Variants in MCM6 observed in about 807,000 individuals in gnomAD.
The protein encoded by MCM6 is minichromosome maintenance complex component 6.
Under a neutral mutation model 94.3 loss-of-function variants are expected in MCM6, and 46 were observed. That is an observed-to-expected ratio of 0.49 (90% CI 0.39 to 0.62). MCM6 has a LOEUF of 0.62. Ranked by LOEUF, MCM6 falls within the 20% of genes least tolerant of loss-of-function variation. The pLI is 0.00. For synonymous variants in MCM6, 335 were observed against 351.9 expected, an observed-to-expected ratio of 0.95 and a Z score of 0.54; for missense variants, 865 against 1,017.9, an observed-to-expected ratio of 0.85 and a Z score of 2.04.
intron 5 of MCM6, 143 bp from the exon 6 acceptor site, chr2:135,866,420 C>A: frequency 7.2e-7 from 1 of 1,394,972 alleles, no homozygotes; most frequent in Non-Finnish European, 9.8e-7. Context: ...TGTGGCAAAA[C>A]CAATTTGTTT....
chr2:135,863,868 T>C (rs917799728), intron 7 of MCM6, among the ~76,000 whole-genome samples: 1 of 152,188 alleles, frequency 6.6e-6, no homozygotes, highest in African/African-American at 2.4e-5. Context: ...CTCAGCACTT[T>C]GGGAGGCCAA....
At chr2:135,849,075 G>A (rs923171240) in intron 13 of MCM6, among the ~76,000 whole-genome samples, 1 of 152,178 alleles carries the variant, frequency 6.6e-6, no homozygotes, top group Non-Finnish European at 1.5e-5. Flanking sequence ...GAAAGATAAC[G>A]GTATTTGTGG....
At chr2:135,867,982 G>A (rs563266219) in intron 4 of MCM6, among the ~76,000 whole-genome samples, 6 of 152,094 alleles carry the variant, frequency 3.9e-5, no homozygotes, top group Admixed American at 2.0e-4. Flanking sequence ...AGCCGAGATC[G>A]CGCCACTGCA....
At chr2:135,870,484 C>G (rs1680180096) in intron 2 of MCM6, 123 bp from the exon 3 acceptor site, 3 of 653,608 alleles carry the variant, frequency 4.6e-6, no homozygotes, top group Non-Finnish European at 8.2e-6. Context: ...TAGAACTTAA[C>G]TGTGTAGGAC....
At chr2:135,866,057 T>C in intron 6 of MCM6, 75 bp downstream of exon 6, 1 of 1,527,718 alleles carries the variant, frequency 6.5e-7, no homozygotes, top group Non-Finnish European at 8.9e-7. Flanking sequence ...AGCCATGACT[T>C]TGCCATTGCA....
At chr2:135,848,029 C>A in intron 14 of MCM6, 24 bp downstream of exon 14, 1 of 1,583,226 alleles carries the variant, frequency 6.3e-7, no homozygotes, top group South Asian at 1.1e-5. Flanking sequence ...AACTCCAAAA[C>A]AGTCACATGA....
At chr2:135,847,027 C>G (rs944300110) in intron 14 of MCM6, among the ~76,000 whole-genome samples, 1 of 150,730 alleles carries the variant, frequency 6.6e-6, no homozygotes, top group African/African-American at 2.4e-5. Context: ...AAACAAAAAA[C>G]AAACAAAAAA....
intron 4 of MCM6, 109 bp downstream of exon 4, chr2:135,868,502 A>T: frequency 9.0e-7 from 1 of 1,113,318 alleles, no homozygotes. Context: ...ATGATGCTTA[A>T]CTTACATAAA....
chr2:135,841,204 C>T (rs1301071457), intron 16 of MCM6, among the ~76,000 whole-genome samples: 2 of 152,154 alleles, frequency 1.3e-5, no homozygotes, highest in African/African-American at 4.8e-5. Flanking sequence ...AAATATATTA[C>T]ATCAAATGCT....
chr2:135,840,829 A>G lies in MCM6; in HGVS notation c.*6T>C. The G allele has an allele frequency of 6.3e-7, 1 of 1,595,420 alleles. No individual in the cohort carries two copies. The highest frequency in any genetic ancestry group is 8.6e-7 in the Non-Finnish European group (1 of 1,163,038). On this transcript the variant is annotated 3_prime_UTR_variant, in exon 17 of 17. Coordinates refer to ENST00000264156, the MANE Select transcript of MCM6 (RefSeq NM_005915.6). Reference sequence around the variant, plus strand: ...TCCTCAGCTCTGGTCAGTTACTTTCACTATCTCAATCTTCGAGCAAGTAGT... The same window carrying G: ...TCCTCAGCTCTGGTCAGTTACTTTCGCTATCTCAATCTTCGAGCAAGTAGT...
At position 135,852,932 on chromosome 2, in the gene MCM6, A is replaced by T; in HGVS notation, c.1627-17T>A. The T allele has an allele frequency of 6.3e-7, 1 of 1,580,236 alleles. No homozygotes were observed. Among genetic ancestry groups the T allele is most frequent in the Non-Finnish European group, 8.6e-7 (1 of 1,167,120 alleles). ...ATCTGTAACCTAATTCAAAACAAAA[A>T]AATCACTTTGATAGTCACAGCAATA... is the stretch of plus-strand genomic sequence containing the variant. On this transcript the variant is annotated splice_polypyrimidine_tract_variant and intron_variant, in intron 11 of 16. Coordinates refer to ENST00000264156, the MANE Select transcript of MCM6 (RefSeq NM_005915.6).
chr2:135,868,018 C>A (rs976461897), intron 4 of MCM6, among the ~76,000 whole-genome samples: 2 of 151,918 alleles, frequency 1.3e-5, no homozygotes, highest in Admixed American at 6.6e-5. Context: ...CAGAGAGAGA[C>A]TGTCTCAAAA....
chr2:135,870,163 A>T, intron 3 of MCM6, 88 bp downstream of exon 3: 1 of 921,008 alleles, frequency 1.1e-6, no homozygotes, highest in South Asian at 1.4e-5. Context: ...TAGCAGATCA[A>T]GGCAACCTCT....
intron 13 of MCM6, among the ~76,000 whole-genome samples, chr2:135,848,672 T>G (rs943061665): frequency 6.6e-6 from 1 of 152,070 alleles, no homozygotes; most frequent in East Asian, 1.9e-4. Context: ...TCACCTGAGA[T>G]TGGGAGTTTG....
chr2:135,849,507 T>C (rs1302474506), intron 13 of MCM6, among the ~76,000 whole-genome samples: 2 of 152,326 alleles, frequency 1.3e-5, no homozygotes, highest in South Asian at 2.1e-4. Context: ...AAATAGAATG[T>C]TATACTGATA....
intron 10 of MCM6, 108 bp from the exon 11 acceptor site, chr2:135,856,991 A>C: frequency 4.3e-6 from 4 of 932,008 alleles, no homozygotes; most frequent in Non-Finnish European, 6.3e-6. Flanking sequence ...AACCAAAATA[A>C]TGACATACCC....
chr2:135,858,562 T>C (rs1378544809), intron 9 of MCM6, among the ~76,000 whole-genome samples: 1 of 152,158 alleles, frequency 6.6e-6, no homozygotes, highest in Non-Finnish European at 1.5e-5. Flanking sequence ...GACTCTTCTA[T>C]TCTCCAAACA....
chr2:135,849,815 T>C (rs1679739953), intron 13 of MCM6, among the ~76,000 whole-genome samples: 1 of 152,094 alleles, frequency 6.6e-6, no homozygotes, highest in African/African-American at 2.4e-5. Context: ...AGGTAAATAA[T>C]GGGAGAATTT....
In MCM6 at chr2:135,859,659, G is replaced by A. The variant is rs528940800; in HGVS notation, c.1221-217C>T. On this transcript the variant is annotated intron_variant, in intron 8 of 16. Transcript: ENST00000264156. The stretch of plus-strand genomic sequence containing the variant: ...CGCTCTGTCACCAGACTGGAGTGCA[G>A]TGTCACAATCTCAGCTCACTGCAAC... Among the ~76,000 whole-genome samples, 4 of 151,846 alleles carry A rather than the reference G, an allele frequency of 2.6e-5. No individual in the cohort carries two copies. The South Asian group carries it at 8.3e-4, about 32-fold the overall frequency.
Sources: allele counts gnomAD v4.1 joint callset (sites outside exome capture counted in the v4.1 genomes callset), GRCh38; gene constraint gnomAD v4.1.1; transcripts MANE v1.5; gene names NCBI Gene and HGNC (gene_info 2026-07-23, HGNC 2026-07-21).